Variants in UBAC2 observed in about 807,000 individuals in gnomAD.
UBAC2 encodes ubiquitin-associated domain-containing protein 2.
In UBAC2, 26 loss-of-function variants were observed where a neutral mutation model predicts 44.0. The observed-to-expected ratio is 0.59, with a 90% confidence interval of 0.43 to 0.82. The LOEUF (loss-of-function observed/expected upper bound fraction) is 0.82, where lower values mean the gene tolerates loss of function less well. Among genes scored for constraint, UBAC2 ranks in the 40% least tolerant of loss-of-function variants. UBAC2 has a pLI of 0.00. For missense variants in UBAC2, 329 were observed against 419.4 expected (o/e 0.78, Z 1.88); for synonymous variants, 155 against 154.3 (o/e 1.00, Z -0.04).
At chr13:99,342,741 T>C (rs1566511922) in intron 7 of UBAC2, among the ~76,000 whole-genome samples, 1 of 152,178 alleles carries the variant, frequency 6.6e-6, no homozygotes, top group Non-Finnish European at 1.5e-5. Context: ...GGATCCTCCT[T>C]GTTCCCTCCC....
intron 2 of UBAC2, 81 bp from the exon 3 acceptor site, chr13:99,243,751 G>A: frequency 1.5e-6 from 2 of 1,324,068 alleles, no homozygotes; most frequent in Non-Finnish European, 2.1e-6. Context: ...AATAGGCAGT[G>A]TAAACATAAC....
chr13:99,228,661 T>C (rs2043139400), intron 1 of UBAC2, among the ~76,000 whole-genome samples: 1 of 152,214 alleles, frequency 6.6e-6, no homozygotes, highest in Non-Finnish European at 1.5e-5. Context: ...ATCTCCATTT[T>C]ACAGGTGAGG....
chr13:99,338,063 T>TA lies in UBAC2; in HGVS notation c.562-2257_562-2256insA, dbSNP rs2044824881. ...TCTTTTTTTCTTTTTTTTTTTTTTT[T>TA]TTTTTTTTTTTTGAGACAGAGTCTC... On this transcript the variant is annotated intron_variant, in intron 6 of 8. Coordinates refer to ENST00000403766, the MANE Select transcript of UBAC2 (RefSeq NM_001144072.2). Among the ~76,000 whole-genome samples, 6 of 96,744 alleles carry TA rather than the reference T, an allele frequency of 6.2e-5. 1 individual carries two copies. The highest frequency in any genetic ancestry group is 6.8e-5 in the Non-Finnish European group (3 of 44,386). The allele number at this position is 96,744 out of a possible 152,430, so 63.5% of individuals were successfully genotyped here.
intron 8 of UBAC2, among the ~76,000 whole-genome samples, chr13:99,382,484 A>T (rs1378435725): frequency 6.6e-6 from 1 of 152,138 alleles, no homozygotes; most frequent in Non-Finnish European, 1.5e-5. Context: ...GCTCTCATTG[A>T]AGCTAAGGGC....
intron 4 of UBAC2, chr13:99,294,976 T>C (rs1238761826): frequency 2.1e-6 from 3 of 1,440,762 alleles, no homozygotes; most frequent in Non-Finnish European, 2.8e-6. Flanking sequence ...AATTGGAAGC[T>C]GAACAATTAT....
chr13:99,385,411 G>A lies in UBAC2; in HGVS notation c.*76G>A. 1 of 1,209,900 alleles carries A rather than the reference G, an allele frequency of 8.3e-7. No homozygotes were observed. The highest frequency in any genetic ancestry group is 1.2e-5 in the South Asian group (1 of 81,418). 74.9% of individuals were successfully genotyped at this position (1,209,900 alleles called of 1,614,324 possible). A position where few individuals can be genotyped will look rare whatever the true frequency, so the allele number is the denominator to read the frequency against. On this transcript the variant is annotated 3_prime_UTR_variant, in exon 9 of 9. Coordinates refer to ENST00000403766, the MANE Select transcript of UBAC2 (RefSeq NM_001144072.2). ...GGTCCCCACCATCAGATCAGCCCGG[G>A]GACCGAGCATCTCTGGTGCTGATGT... is the stretch of plus-strand genomic sequence containing the variant.
chr13:99,380,640 C>T (rs1395918506), intron 8 of UBAC2, among the ~76,000 whole-genome samples: 5 of 152,230 alleles, frequency 3.3e-5, no homozygotes, highest in East Asian at 1.9e-4. Context: ...TGACCCTTCT[C>T]GTCCTTGCTG....
At chr13:99,224,878 G>C (rs1185856101) in intron 1 of UBAC2, among the ~76,000 whole-genome samples, 1 of 152,182 alleles carries the variant, frequency 6.6e-6, no homozygotes, top group African/African-American at 2.4e-5. Context: ...TACAAATCTT[G>C]AGTTGATGAG....
chr13:99,206,174 C>A (rs527754694), intron 1 of UBAC2, among the ~76,000 whole-genome samples: 1 of 152,182 alleles, frequency 6.6e-6, no homozygotes, highest in South Asian at 2.1e-4. Flanking sequence ...TTGCAGAGTC[C>A]GGTCAGAGGT....
chr13:99,350,077 C>T (rs1037109512), intron 7 of UBAC2, among the ~76,000 whole-genome samples: 6 of 152,186 alleles, frequency 3.9e-5, no homozygotes, highest in South Asian at 2.1e-4. Flanking sequence ...ACCCTATGCC[C>T]GCCGGTTATT....
rs149577289 is a variant in UBAC2 at position 99,216,687 on chromosome 13, C to T, written c.31+15748C>T. 5.3e-3 allele frequency among the ~76,000 whole-genome samples: 801 copies of T among 152,140 alleles called. 4 individuals carry two copies. The highest frequency in any genetic ancestry group is 0.01 in the Middle Eastern group (3 of 294). On this transcript the variant is annotated intron_variant, in intron 1 of 8. Coordinates refer to ENST00000403766, the MANE Select transcript of UBAC2 (RefSeq NM_001144072.2). ...TGGACTCAGTTGAAAGGACACATTTCGCTGGTGTTTTGAGGGTTCTTTTAT... is the reference window on the plus strand; with the variant it reads ...TGGACTCAGTTGAAAGGACACATTTTGCTGGTGTTTTGAGGGTTCTTTTAT...
At chr13:99,315,170 T>C (rs2044471534) in intron 5 of UBAC2, among the ~76,000 whole-genome samples, 1 of 152,172 alleles carries the variant, frequency 6.6e-6, no homozygotes, top group African/African-American at 2.4e-5. Context: ...ATCTTTTTAT[T>C]CTCCATCTCT....
At chr13:99,233,115 C>CTT (rs762104839) in intron 1 of UBAC2, among the ~76,000 whole-genome samples, 10 of 143,314 alleles carry the variant, frequency 7.0e-5, no homozygotes, top group African/African-American at 2.0e-4. Context: ...GATTTGGTTT[C>CTT]TTTTTTTTTT....
chr13:99,318,154 A>T lies in UBAC2; in HGVS notation c.561+85A>T. 3.3e-6 allele frequency: 4 copies of T among 1,224,958 alleles called. No individual in the cohort carries two copies. In the South Asian group the frequency reaches 5.1e-5, roughly 16 times the overall value. 75.9% of individuals were successfully genotyped at this position (1,224,958 alleles called of 1,614,324 possible). On this transcript the variant is annotated intron_variant, in intron 6 of 8. Transcript: ENST00000403766. ...AATTGTCCTATTTAGATTGTGCGTC[A>T]TATTCAACTGTCTCACCATTCTTTT...
At chr13:99,209,756 C>T (rs1394325417) in intron 1 of UBAC2, among the ~76,000 whole-genome samples, 1 of 152,166 alleles carries the variant, frequency 6.6e-6, no homozygotes. Context: ...GGTGGATCAT[C>T]TGAGGCCAGG....
intron 4 of UBAC2, among the ~76,000 whole-genome samples, chr13:99,265,096 G>C (rs1311282597): frequency 6.6e-6 from 1 of 151,524 alleles, no homozygotes; most frequent in East Asian, 1.9e-4. Context: ...TTTTTTCTTG[G>C]TAATAAAACT....
chr13:99,289,788 C>T (rs1419509706), intron 4 of UBAC2, among the ~76,000 whole-genome samples: 1 of 152,180 alleles, frequency 6.6e-6, no homozygotes, highest in Admixed American at 6.5e-5. Context: ...TTCTCACTTA[C>T]TCATTCAGGG....
At chr13:99,243,122 AAGGTCATT>A (rs1406631517) in intron 2 of UBAC2, among the ~76,000 whole-genome samples, 1 of 152,110 alleles carries the variant, frequency 6.6e-6, no homozygotes, top group Non-Finnish European at 1.5e-5. Context: ...CCTATCTCAT[AAGGTCATT>A]GTGAAGGGGA....
intron 8 of UBAC2, among the ~76,000 whole-genome samples, chr13:99,381,223 G>A (rs2045546254): frequency 6.6e-6 from 1 of 152,246 alleles, no homozygotes; most frequent in Admixed American, 6.5e-5. Context: ...CCCTGTGTTG[G>A]TGACCTGTGT....
Sources: allele counts gnomAD v4.1 joint callset (sites outside exome capture counted in the v4.1 genomes callset), GRCh38; gene constraint gnomAD v4.1.1; transcripts MANE v1.5; gene names NCBI Gene and HGNC (gene_info 2026-07-23, HGNC 2026-07-21).